ADRM1: variants seen among roughly 807,000 people sequenced by gnomAD.
The protein encoded by ADRM1 is ADRM1 26S proteasome ubiquitin receptor.
A neutral mutation model predicts 40.1 loss-of-function variants in ADRM1; 2 were observed. That is an observed-to-expected ratio of 0.05 (90% confidence interval 0.02 to 0.16). The LOEUF (loss-of-function observed/expected upper bound fraction) is 0.16. Among genes scored for constraint, ADRM1 ranks in the 10% least tolerant of loss-of-function variants. The pLI, the probability that ADRM1 is intolerant of heterozygous loss-of-function variation, is 1.00. For missense variants in ADRM1, 467 were observed against 552.5 expected, an observed-to-expected ratio of 0.85 and a Z score of 1.55; for synonymous variants, 287 against 240.4, an observed-to-expected ratio of 1.19 and a Z score of -1.79.
At position 62,304,570 on chromosome 20, in the gene ADRM1, G is replaced by T; in HGVS notation, c.323G>T (p.Trp108Leu). The part of the protein sequence containing the change: ...FKAGSKRLFF[W>L]MQEPKTDQDE... ...GCAGGGTCCAAGCGGCTTTTCTTCT[G>T]GATGCAGGTATGGGGCAGGCCTTGG... The change falls in exon 3 of 10, where the codon TGG (tryptophan) becomes TTG (leucine). Residue 108 changes from tryptophan (W) to leucine (L), a missense_variant. By Grantham distance (61) the Trp-to-Leu change is moderately conservative. Around this residue, in one of 3 missense-constraint regions of ADRM1, gnomAD observed 418 missense variants for 474.6 expected, o/e 0.88. Transcript: ENST00000253003. The T allele has an allele frequency of 6.2e-7, 1 of 1,613,924 alleles. No homozygotes were observed. Among genetic ancestry groups the T allele is most frequent in the South Asian group, 1.1e-5 (1 of 91,058 alleles).
At position 62,306,637 on chromosome 20, in the gene ADRM1, G is replaced by T. The variant is rs1985019532; in HGVS notation, c.455-11G>T. The T allele has an allele frequency of 6.2e-7, 1 of 1,603,182 alleles. No homozygotes were observed. The highest frequency in any genetic ancestry group is 8.5e-7 in the Non-Finnish European group (1 of 1,175,202). ...CTGGGGCAGGCCCGCCTGAGCTGCAGTGTTTTCCAGGTGAGGGTGGCCTGC... is the reference window on the plus strand; with the variant it reads ...CTGGGGCAGGCCCGCCTGAGCTGCATTGTTTTCCAGGTGAGGGTGGCCTGC... On this transcript the variant is annotated splice_polypyrimidine_tract_variant and intron_variant, in intron 4 of 9. Transcript: ENST00000253003.
In ADRM1 at chr20:62,307,591, C is replaced by G. The variant is rs544697220; in HGVS notation, c.624-5C>G. ...CCGCTCCAGCGGTGCCCTCTCTCTT[C>G]GCAGCTCCCGGAGCCAGTCGGCAGC... On this transcript the variant is annotated splice_region_variant and splice_polypyrimidine_tract_variant and intron_variant, in intron 6 of 9. Coordinates refer to ENST00000253003, the MANE Select transcript of ADRM1 (RefSeq NM_007002.4). The G allele has an allele frequency of 3.7e-5, 59 of 1,609,154 alleles. No homozygotes were observed. Among genetic ancestry groups the G allele is most frequent in the Non-Finnish European group, 4.7e-5 (55 of 1,179,098 alleles).
At chr20:62,305,825 C>T (rs143132388) in intron 3 of ADRM1, 17 of 246,316 alleles carry the variant, frequency 6.9e-5, no homozygotes, top group African/African-American at 3.3e-4. Context: ...CGCTGCCTTC[C>T]ACTGGTTGAA....
At chr20:62,303,543 C>T (rs1487484396) in intron 1 of ADRM1, 25 bp from the exon 2 acceptor site, 5 of 1,550,438 alleles carry the variant, frequency 3.2e-6, no homozygotes, top group Admixed American at 1.9e-5. Flanking sequence ...ACCGCCGCGT[C>T]TCAGCGTCCT....
At chr20:62,307,984 C>T (rs1413469085) in intron 7 of ADRM1, 37 bp from the exon 8 acceptor site, 2 of 1,593,136 alleles carry the variant, frequency 1.3e-6, no homozygotes, top group Non-Finnish European at 1.7e-6. Context: ...GGCACTTAGG[C>T]TGTCATCGAG....
At chr20:62,308,499 C>G in intron 9 of ADRM1, 29 bp downstream of exon 9, 1 of 1,578,462 alleles carries the variant, frequency 6.3e-7, no homozygotes, top group Middle Eastern at 1.7e-4. Context: ...ACCTCCAGGC[C>G]AGAGCCAGGG....
At chr20:62,305,641 G>GC (rs1322359340) in intron 3 of ADRM1, 5 of 152,362 alleles carry the variant, frequency 3.3e-5, no homozygotes, top group African/African-American at 1.2e-4. Flanking sequence ...TGTCCCTGGC[G>GC]CCCTGCAGCT....
Position 62,307,407 on chromosome 20 carries a change from G to A in ADRM1, c.578G>A (p.Ser193Asn). The change falls in exon 6 of 10, where the codon AGC (serine) becomes AAC (asparagine). Residue 193 changes from serine (S) to asparagine (N), a missense_variant. Physicochemically the swap from Ser to Asn is conservative, Grantham distance 46. Around this residue, in one of 3 missense-constraint regions of ADRM1, gnomAD observed 418 missense variants for 474.6 expected, o/e 0.88. Coordinates refer to ENST00000253003, the MANE Select transcript of ADRM1 (RefSeq NM_007002.4). ...GCCCTGACTGGACCTGGCCTGGCCA[G>A]CTTACTGGGGAGCAGTGGGCCTCCA... is the stretch of plus-strand genomic sequence containing the variant. Reference protein sequence around the residue: ...LGALTGPGLASLLGSSGPPGS... With the variant: ...LGALTGPGLANLLGSSGPPGS... 2 of 1,605,432 alleles carry A rather than the reference G, an allele frequency of 1.2e-6. No homozygotes were observed. Among genetic ancestry groups the A allele is most frequent in the South Asian group, 2.2e-5 (2 of 90,350 alleles).
rs764487645 is a variant in ADRM1, at chr20:62,308,687, A to G, written c.1150A>G (p.Asn384Asp). 3 of 1,613,068 alleles carry G rather than the reference A, an allele frequency of 1.9e-6. No individual in the cohort carries two copies. Among genetic ancestry groups the G allele is most frequent in the South Asian group, 2.2e-5 (2 of 91,088 alleles). The change falls in exon 10 of 10, where the codon AAC becomes GAC. Residue 384 changes from asparagine (N) to aspartate (D), a missense_variant. Physicochemically the swap from Asn to Asp is conservative, Grantham distance 23 (BLOSUM62 1). This residue lies in a region of ADRM1 where 418 missense variants were observed against 474.6 expected (regional missense o/e 0.88). Coordinates refer to ENST00000253003, the MANE Select transcript of ADRM1 (RefSeq NM_007002.4). ...AGCGTTTGCCAAAGCCATGCAGAAC[A>G]ACGCCAAGCCCGAGCAGAAAGAGGG... ...VEAFAKAMQNNAKPEQKEGDT... is the reference protein window; with the variant it reads ...VEAFAKAMQNDAKPEQKEGDT...
chr20:62,305,068 A>C (rs996285130), intron 3 of ADRM1, among the ~76,000 whole-genome samples: 1 of 152,240 alleles, frequency 6.6e-6, no homozygotes, highest in Admixed American at 6.5e-5. Flanking sequence ...TTTTGGGTCT[A>C]GAGGCCGCTG....
At chr20:62,308,250 C>G in intron 8 of ADRM1, 72 bp downstream of exon 8, 1 of 1,542,702 alleles carries the variant, frequency 6.5e-7, no homozygotes, top group Non-Finnish European at 8.7e-7. Context: ...GAGGCCCTGC[C>G]CCACCTTCAC....
intron 6 of ADRM1, 71 bp downstream of exon 6, chr20:62,307,523 G>A (rs1985227730): frequency 9.4e-6 from 15 of 1,598,538 alleles, no homozygotes; most frequent in African/African-American, 1.3e-5. Context: ...TCCTGGCCCA[G>A]CACCCTGGAC....
At chr20:62,305,447 C>CT (rs749281998) in intron 3 of ADRM1, 8 of 152,288 alleles carry the variant, frequency 5.3e-5, no homozygotes, top group Non-Finnish European at 8.8e-5. Context: ...TCCAGTTAAA[C>CT]TTTATTTGCA....
chr20:62,306,368 G>T, intron 4 of ADRM1, 48 bp downstream of exon 4: 1 of 1,607,602 alleles, frequency 6.2e-7, no homozygotes. Flanking sequence ...TGGGAGGCCA[G>T]AGTCTACTGT....
rs1306870770 is a variant in ADRM1 at position 62,304,563 on chromosome 20, T to C, written c.316T>C (p.Phe106Leu). Reference protein sequence around the residue: ...LKFKAGSKRLFFWMQEPKTDQ... With the variant: ...LKFKAGSKRLLFWMQEPKTDQ... ...GTTCAAGGCAGGGTCCAAGCGGCTT[T>C]TCTTCTGGATGCAGGTATGGGGCAG... Residue 106 changes from phenylalanine to leucine, a missense_variant, in exon 3 of 10, where the codon TTC becomes CTC. Physicochemically the swap from Phe to Leu is conservative, Grantham distance 22. This residue lies in a region of ADRM1 where 418 missense variants were observed against 474.6 expected (regional missense o/e 0.88). Transcript: ENST00000253003. The C allele has an allele frequency of 6.2e-7, 1 of 1,613,950 alleles. No individual in the cohort carries two copies.
Position 62,308,843 on chromosome 20 carries a change from TCTTTTCTTTTACCTGCC to T in ADRM1, c.*83_*99del. On this transcript the variant is annotated 3_prime_UTR_variant, in exon 10 of 10. Transcript: ENST00000253003. ...TCCCACCCACTGATTATTAATAAAGTCTTTTCTTTTACCTGCCAATGCTTAGTTTCTTTGCCCAAAGG... is the reference window on the plus strand; with the variant it reads ...TCCCACCCACTGATTATTAATAAAGTAATGCTTAGTTTCTTTGCCCAAAGG... 3 of 1,536,904 alleles carry T rather than the reference TCTTTTCTTTTACCTGCC, an allele frequency of 2.0e-6. No homozygotes were observed. Among genetic ancestry groups the T allele is most frequent in the Non-Finnish European group, 2.6e-6 (3 of 1,143,534 alleles).
rs754150150 is a variant in ADRM1, at chr20:62,307,660, G to A, written c.688G>A (p.Ala230Thr). 2 of 1,612,176 alleles carry A rather than the reference G, an allele frequency of 1.2e-6. No homozygotes were observed. Among genetic ancestry groups the A allele is most frequent in the East Asian group, 4.5e-5 (2 of 44,874 alleles). Reference sequence around the variant, plus strand: ...CACCTCTTCCACCCGTGCCACCCCAGCCCCTTCTGCTCCAGCAGCTGCCTC... The same window carrying A: ...CACCTCTTCCACCCGTGCCACCCCAACCCCTTCTGCTCCAGCAGCTGCCTC... The part of the protein sequence containing the change: ...STTSSTRATP[A>T]PSAPAAASAT... The change falls in exon 7 of 10, where the codon GCC becomes ACC. Residue 230 changes from alanine to threonine, a missense_variant. Physicochemically the swap from Ala to Thr is moderately conservative, Grantham distance 58. Coordinates refer to ENST00000253003, the MANE Select transcript of ADRM1 (RefSeq NM_007002.4).
chr20:62,307,419 G>A lies in ADRM1; in HGVS notation c.590G>A (p.Ser197Asn). ...TGPGLASLLG[S>N]SGPPGSSSSS... The stretch of plus-strand genomic sequence containing the variant: ...CCTGGCCTGGCCAGCTTACTGGGGA[G>A]CAGTGGGCCTCCAGGGAGCAGCTCC... Residue 197 changes from serine to asparagine, a missense_variant, in exon 6 of 10, where the codon AGC becomes AAC. Ser to Asn is a conservative substitution (Grantham distance 46). Transcript: ENST00000253003. 1 of 1,607,528 alleles carries A rather than the reference G, an allele frequency of 6.2e-7. No individual in the cohort carries two copies. Among genetic ancestry groups the A allele is most frequent in the African/African-American group, 1.3e-5 (1 of 74,708 alleles).
At chr20:62,303,144 G>A (rs1323106961) in intron 1 of ADRM1, 95 bp downstream of exon 1, 2 of 151,736 alleles carry the variant, frequency 1.3e-5, no homozygotes, top group Non-Finnish European at 2.9e-5. Context: ...GCCAAGACGA[G>A]AAGGTGGCCG....
Sources: gnomAD v4.1 joint callset for allele counts (sites outside exome capture counted in the v4.1 genomes callset) on GRCh38, gnomAD v4.1.1 for gene constraint, gnomAD v4.1.1 regional missense constraint, MANE v1.5 for transcripts, NCBI Gene and HGNC (gene_info 2026-07-23, HGNC 2026-07-21) for gene names.